Variants in TMCC1 observed in about 807,000 individuals in gnomAD.
The protein encoded by TMCC1 is transmembrane and coiled-coil domains protein 1.
TMCC1 carries 15 observed loss-of-function variants against 52.4 expected under a neutral mutation model. The ratio of observed to expected loss-of-function variants is 0.29; its 90% CI spans 0.19 to 0.44. The LOEUF (loss-of-function observed/expected upper bound fraction) is 0.44. Ranked by LOEUF, TMCC1 falls within the 20% of genes least tolerant of loss-of-function variation. TMCC1 has a pLI of 1.00. For missense variants in TMCC1, 503 were observed against 806.0 expected (o/e 0.62, Z 4.55); for synonymous variants, 279 against 301.9 (o/e 0.92, Z 0.79).
At position 129,651,806 on chromosome 3, in the gene TMCC1, G is replaced by A. The variant is rs2086342271; in HGVS notation, c.1648-11C>T. 6.2e-7 allele frequency: 1 copy of A among 1,608,476 alleles called. No homozygotes were observed. On this transcript the variant is annotated splice_polypyrimidine_tract_variant and intron_variant, in intron 6 of 6. Coordinates refer to ENST00000393238, the MANE Select transcript of TMCC1 (RefSeq NM_001017395.5). This position sits in a 1 kb window ranked among gnomAD's most constrained non-coding sequence, Gnocchi z 5.1. The stretch of plus-strand genomic sequence containing the variant: ...TGCCTCCAGGGCCTCCTGTGGGCCA[G>A]AACAGGGAAGAGTTAAGCCTTCTGC...
At chr3:129,793,247 C>T (rs541996326) in intron 4 of TMCC1, among the ~76,000 whole-genome samples, 21 of 152,152 alleles carry the variant, frequency 1.4e-4, no homozygotes, top group South Asian at 1.2e-3. Context: ...CTAAAAATCC[C>T]GTTAGGCTTA....
intron 4 of TMCC1, among the ~76,000 whole-genome samples, chr3:129,809,115 C>G (rs2107790246): frequency 6.6e-6 from 1 of 151,538 alleles, no homozygotes; most frequent in East Asian, 1.9e-4. Context: ...GGTGTGGTGG[C>G]AGGCACCTGT....
chr3:129,838,400 C>A (rs2059261554), intron 2 of TMCC1, among the ~76,000 whole-genome samples: 1 of 151,710 alleles, frequency 6.6e-6, no homozygotes, highest in African/African-American at 2.4e-5. Flanking sequence ...CAGGGCAAGA[C>A]CCTGTCTCAA....
At chr3:129,718,543 C>G (rs2049288241) in intron 4 of TMCC1, among the ~76,000 whole-genome samples, 1 of 152,184 alleles carries the variant, frequency 6.6e-6, no homozygotes, top group Admixed American at 6.5e-5. Context: ...ACTAGTGACA[C>G]TGAAGTGCTC....
At chr3:129,742,843 A>T (rs1004021156) in intron 4 of TMCC1, among the ~76,000 whole-genome samples, 2 of 152,232 alleles carry the variant, frequency 1.3e-5, no homozygotes, top group African/African-American at 2.4e-5. Context: ...GCATTATGAC[A>T]TGGATAAACC....
At chr3:129,827,570 C>T (rs957319229) in intron 4 of TMCC1, among the ~76,000 whole-genome samples, 1 of 151,716 alleles carries the variant, frequency 6.6e-6, no homozygotes, top group Non-Finnish European at 1.5e-5. Context: ...AAGGTTTTAA[C>T]GAAAGGATAA....
chr3:129,820,890 C>T (rs569927266), intron 4 of TMCC1, among the ~76,000 whole-genome samples: 5 of 152,244 alleles, frequency 3.3e-5, no homozygotes, highest in South Asian at 2.1e-4. Flanking sequence ...AAGCACTGTT[C>T]AGAGGTTAGT....
At chr3:129,855,685 CAT>C (rs2060119553) in intron 2 of TMCC1, among the ~76,000 whole-genome samples, 1 of 152,160 alleles carries the variant, frequency 6.6e-6, no homozygotes, top group Non-Finnish European at 1.5e-5. Flanking sequence ...AAAAACCCCA[CAT>C]GACTTCACAG....
intron 4 of TMCC1, among the ~76,000 whole-genome samples, chr3:129,738,273 C>A (rs201907737): frequency 0.022 from 2,556 of 118,058 alleles, no homozygotes; most frequent in East Asian, 0.044. Context: ...TCCGCCTAAA[C>A]AAAAAAAAAA....
intron 4 of TMCC1, among the ~76,000 whole-genome samples, chr3:129,693,219 A>G (rs1037714820): frequency 1.3e-5 from 2 of 152,166 alleles, no homozygotes; most frequent in African/African-American, 4.8e-5. Context: ...CTATAATATG[A>G]AAGATGATTC....
chr3:129,707,057 A>G (rs1344181745), intron 4 of TMCC1, among the ~76,000 whole-genome samples: 1 of 152,154 alleles, frequency 6.6e-6, no homozygotes, highest in Non-Finnish European at 1.5e-5. Flanking sequence ...CAGCGTAGAA[A>G]TAGGGCAAAA....
At chr3:129,748,887 C>T (rs1458110183) in intron 4 of TMCC1, among the ~76,000 whole-genome samples, 1 of 151,970 alleles carries the variant, frequency 6.6e-6, no homozygotes, top group Non-Finnish European at 1.5e-5. Context: ...CCTGTAATCC[C>T]AGCTACTCAG....
chr3:129,679,506 A>G (rs2088780419), intron 4 of TMCC1, among the ~76,000 whole-genome samples: 1 of 152,028 alleles, frequency 6.6e-6, no homozygotes, highest in Non-Finnish European at 1.5e-5. Context: ...GGGTTTCCCC[A>G]TATTGGCCAG....
At chr3:129,851,928 T>C (rs1171677445) in intron 2 of TMCC1, among the ~76,000 whole-genome samples, 4 of 152,272 alleles carry the variant, frequency 2.6e-5, no homozygotes, top group African/African-American at 7.2e-5. Flanking sequence ...GGCAGGAGGA[T>C]TGCTTAAGCT....
intron 5 of TMCC1, among the ~76,000 whole-genome samples, chr3:129,668,120 C>T (rs896577075): frequency 6.6e-6 from 1 of 152,040 alleles, no homozygotes; most frequent in African/African-American, 2.4e-5. Context: ...CCCAGGAGGT[C>T]GAGGCTGCAG....
At chr3:129,853,833 T>C (rs970217837) in intron 2 of TMCC1, among the ~76,000 whole-genome samples, 2 of 152,130 alleles carry the variant, frequency 1.3e-5, no homozygotes, top group Admixed American at 6.5e-5. Flanking sequence ...TCCTTCAGTA[T>C]TCCTTTTGTC....
chr3:129,850,675 T>C (rs761908056), intron 2 of TMCC1, among the ~76,000 whole-genome samples: 41 of 151,642 alleles, frequency 2.7e-4, no homozygotes, highest in Admixed American at 1.7e-3. Flanking sequence ...CACACAGAAA[T>C]AGAGAGGTGT....
intron 4 of TMCC1, among the ~76,000 whole-genome samples, chr3:129,787,301 T>A (rs1352797914): frequency 6.6e-6 from 1 of 152,228 alleles, no homozygotes; most frequent in Non-Finnish European, 1.5e-5. Flanking sequence ...TTATTATACA[T>A]GCTACCTTTG....
chr3:129,753,653 A>G (rs1375120017), intron 4 of TMCC1, among the ~76,000 whole-genome samples: 8 of 152,204 alleles, frequency 5.3e-5, no homozygotes, highest in Admixed American at 3.9e-4. Context: ...TGAAACATTC[A>G]TTCATGATAA....
Sources: allele counts gnomAD v4.1 joint callset (sites outside exome capture counted in the v4.1 genomes callset), GRCh38; gene constraint gnomAD v4.1.1; non-coding constraint Gnocchi (gnomAD v3.1); transcripts MANE v1.5; gene names NCBI Gene and HGNC (gene_info 2026-07-23, HGNC 2026-07-21).